Variants in CLNK observed in about 807,000 individuals in gnomAD.
The protein encoded by CLNK is cytokine dependent hematopoietic cell linker, also known as cytokine-dependent hematopoietic cell linker.
A neutral mutation model predicts 68.6 loss-of-function variants in CLNK; 74 were observed. The observed-to-expected ratio is 1.08, with a 90% CI of 0.89 to 1.31. The LOEUF (loss-of-function observed/expected upper bound fraction) is 1.31. Ranked by LOEUF, CLNK falls within the 50% of genes most tolerant of loss-of-function variation. CLNK has a pLI of 0.00. For missense variants in CLNK, 553 were observed against 515.3 expected, an observed-to-expected ratio of 1.07 and a Z score of -0.71; for synonymous variants, 198 against 172.2, an observed-to-expected ratio of 1.15 and a Z score of -1.17.
chr4:10,586,519 T>C (rs995397762), intron 3 of CLNK, among the ~76,000 whole-genome samples: 4 of 151,830 alleles, frequency 2.6e-5, no homozygotes, highest in Non-Finnish European at 5.9e-5. Context: ...TTCACCATGT[T>C]GGCCAGGATG....
chr4:10,584,006 G>T (rs1224061467), intron 4 of CLNK, among the ~76,000 whole-genome samples: 1 of 152,178 alleles, frequency 6.6e-6, no homozygotes, highest in Non-Finnish European at 1.5e-5. Flanking sequence ...AGGTGGAGAG[G>T]TGCATTTGAT....
At chr4:10,546,268 C>T (rs951975374) in intron 8 of CLNK, among the ~76,000 whole-genome samples, 1 of 152,200 alleles carries the variant, frequency 6.6e-6, no homozygotes, top group African/African-American at 2.4e-5. Flanking sequence ...TAAATTATTT[C>T]TCTGCTCTGA....
the CLNK span, among the ~76,000 whole-genome samples, chr4:10,729,550 AC>A: frequency 6.6e-6 from 1 of 152,194 alleles, no homozygotes; most frequent in African/African-American, 2.4e-5. Context: ...TTACACACTC[AC>A]CCACACCCAC....
chr4:10,587,478 C>T (rs1025029179), intron 3 of CLNK, among the ~76,000 whole-genome samples: 10 of 152,150 alleles, frequency 6.6e-5, no homozygotes, highest in African/African-American at 1.9e-4. Flanking sequence ...ACTCAACGTG[C>T]GTCACAGGAG....
At chr4:10,620,614 T>C (rs1194888114) in intron 2 of CLNK, among the ~76,000 whole-genome samples, 2 of 152,182 alleles carry the variant, frequency 1.3e-5, no homozygotes, top group Admixed American at 1.3e-4. Context: ...AATTTGTTCT[T>C]ACTCTGCTCT....
chr4:10,713,609 G>A, the CLNK span, among the ~76,000 whole-genome samples: 4 of 152,028 alleles, frequency 2.6e-5, no homozygotes, highest in African/African-American at 4.8e-5. Flanking sequence ...GTTAAAATTC[G>A]ATCTCCAGTG....
chr4:10,649,785 CA>C (rs1723656140), intron 2 of CLNK, among the ~76,000 whole-genome samples: 2 of 150,548 alleles, frequency 1.3e-5, no homozygotes, highest in East Asian at 3.9e-4. Flanking sequence ...CCCCAAAAAA[CA>C]AATACAAATT....
the CLNK span, among the ~76,000 whole-genome samples, chr4:10,707,965 G>T: frequency 0.32 from 48,227 of 152,018 alleles, 8,089 homozygotes; most frequent in African/African-American, 0.42. Flanking sequence ...AGAGCTAGAA[G>T]TTTCCTAGGG....
intron 11 of CLNK, among the ~76,000 whole-genome samples, chr4:10,535,991 C>T (rs1351822045): frequency 1.3e-5 from 2 of 152,154 alleles, no homozygotes; most frequent in Admixed American, 6.6e-5. Context: ...ACTGGGGTGA[C>T]GTTTTCCTTT....
At chr4:10,688,674 T>C (rs1000989058), upstream of CLNK, among the ~76,000 whole-genome samples, 4 of 152,174 alleles carry the variant, frequency 2.6e-5, no homozygotes, top group Admixed American at 6.5e-5. Flanking sequence ...TGTTAATGTA[T>C]AAAATGATAA....
intron 3 of CLNK, among the ~76,000 whole-genome samples, chr4:10,587,853 G>C (rs1721026555): frequency 6.6e-6 from 1 of 152,180 alleles, no homozygotes; most frequent in African/African-American, 2.4e-5. Flanking sequence ...GAAATGGCAA[G>C]TCCTGCTTAG....
At chr4:10,685,284 T>A (rs1725228147), upstream of CLNK, among the ~76,000 whole-genome samples, 1 of 152,134 alleles carries the variant, frequency 6.6e-6, no homozygotes, top group Non-Finnish European at 1.5e-5. Flanking sequence ...GTAGTTTGAG[T>A]GATAATAATA....
At chr4:10,550,289 C>T (rs538460975) in intron 8 of CLNK, among the ~76,000 whole-genome samples, 1 of 152,024 alleles carries the variant, frequency 6.6e-6, no homozygotes. Context: ...GTCGGGAGAT[C>T]GAGACCATCC....
At chr4:10,598,136 C>T in intron 2 of CLNK, 87 bp from the exon 3 acceptor site, 2 of 852,542 alleles carry the variant, frequency 2.3e-6, no homozygotes, top group South Asian at 3.2e-5. Flanking sequence ...ATAGAAAGAG[C>T]CACCCAGTCA....
At chr4:10,658,096 A>G (rs1724050412) in intron 2 of CLNK, among the ~76,000 whole-genome samples, 1 of 152,126 alleles carries the variant, frequency 6.6e-6, no homozygotes, top group African/African-American at 2.4e-5. Context: ...TGTCTCCTCT[A>G]ATGCCACCAC....
intron 2 of CLNK, among the ~76,000 whole-genome samples, chr4:10,632,491 C>A (rs977796493): frequency 5.3e-5 from 8 of 152,238 alleles, no homozygotes; most frequent in Non-Finnish European, 7.3e-5. Flanking sequence ...ACATCTACAA[C>A]CTTTGTGTGA....
At chr4:10,669,923 G>C (rs1161602025) in intron 1 of CLNK, among the ~76,000 whole-genome samples, 1 of 152,172 alleles carries the variant, frequency 6.6e-6, no homozygotes. Flanking sequence ...AAGGGGACTT[G>C]AACTTTCATC....
intron 13 of CLNK, among the ~76,000 whole-genome samples, chr4:10,527,134 G>A (rs1301466315): frequency 2.0e-5 from 3 of 152,188 alleles, no homozygotes; most frequent in African/African-American, 7.2e-5. Flanking sequence ...CCCCTCTTGA[G>A]CTGAACAATG....
intron 8 of CLNK, among the ~76,000 whole-genome samples, chr4:10,554,922 A>G (rs1278306060): frequency 1.3e-5 from 2 of 152,224 alleles, no homozygotes; most frequent in African/African-American, 4.8e-5. Flanking sequence ...ATACACTAGC[A>G]AACACAGAAA....
Sources: gnomAD v4.1 joint callset for allele counts (sites outside exome capture counted in the v4.1 genomes callset) on GRCh38, gnomAD v4.1.1 for gene constraint, MANE v1.5 for transcripts, NCBI Gene and HGNC (gene_info 2026-07-23, HGNC 2026-07-21) for gene names.